The following DCDC2 variants were observed in gnomAD, a reference collection of about 807,000 sequenced individuals.
The protein encoded by DCDC2 is doublecortin domain containing 2.
In DCDC2, 40 loss-of-function variants were observed where a neutral mutation model predicts 50.2. The ratio of observed to expected loss-of-function variants is 0.80; its 90% CI spans 0.62 to 1.04. The LOEUF (loss-of-function observed/expected upper bound fraction) is 1.04. Ranked by LOEUF, DCDC2 falls within the 50% of genes least tolerant of loss-of-function variation. DCDC2 has a pLI of 0.00. For synonymous variants in DCDC2, 234 were observed against 210.6 expected (o/e 1.11, Z -0.96); for missense variants, 570 against 581.9 (o/e 0.98, Z 0.21).
At position 24,300,760 on chromosome 6, in the gene DCDC2, T is replaced by C. The variant is rs114910519; in HGVS notation, c.557+955A>G. Among the ~76,000 whole-genome samples, 276 of 152,308 alleles carry C rather than the reference T, an allele frequency of 1.8e-3. 1 individual carries two copies. The highest frequency in any genetic ancestry group is 2.8e-3 in the Non-Finnish European group (189 of 68,026). ...AAAGCAGTATATACATATACATACTTTTAATATGTTGTGCACATGTATATG... is the reference window on the plus strand; with the variant it reads ...AAAGCAGTATATACATATACATACTCTTAATATGTTGTGCACATGTATATG... On this transcript the variant is annotated intron_variant, in intron 4 of 9. Transcript: ENST00000378454.
At chr6:24,251,513 C>T (rs770690737) in intron 7 of DCDC2, among the ~76,000 whole-genome samples, 1 of 152,136 alleles carries the variant, frequency 6.6e-6, no homozygotes, top group Non-Finnish European at 1.5e-5. Flanking sequence ...TCTGCGGGAG[C>T]CCTTCCATAC....
At chr6:24,268,516 C>G (rs1392860372) in intron 7 of DCDC2, among the ~76,000 whole-genome samples, 1 of 152,012 alleles carries the variant, frequency 6.6e-6, no homozygotes, top group Non-Finnish European at 1.5e-5. Context: ...ACAAAAAGTG[C>G]GTGAAACTAC....
chr6:24,209,025 A>G (rs770957522), intron 7 of DCDC2, among the ~76,000 whole-genome samples: 2 of 152,226 alleles, frequency 1.3e-5, no homozygotes, highest in Non-Finnish European at 2.9e-5. Flanking sequence ...AATTAAAATC[A>G]TTTGATGCCA....
At chr6:24,352,623 A>AT (rs1469935169) in intron 2 of DCDC2, among the ~76,000 whole-genome samples, 1 of 152,104 alleles carries the variant, frequency 6.6e-6, no homozygotes, top group Non-Finnish European at 1.5e-5. Flanking sequence ...TACAATTAGA[A>AT]TTTTTTTCTT....
rs1329148753 is a variant in DCDC2, at chr6:24,172,264, G to T, written c.*2466C>A. On this transcript the variant is annotated 3_prime_UTR_variant, in exon 10 of 10. Transcript: ENST00000378454. ...TTTGCAAAGTGTCTTAAAGTGATAA[G>T]TCGTTATTCATCCCCTCAAAGTAGG... The T allele has an allele frequency of 6.6e-6, 1 of 152,178 alleles. No homozygotes were observed. Among genetic ancestry groups the T allele is most frequent in the Admixed American group, 6.5e-5 (1 of 15,276 alleles). 9.4% of individuals were successfully genotyped at this position (152,178 alleles called of 1,614,324 possible).
intron 8 of DCDC2, among the ~76,000 whole-genome samples, chr6:24,190,132 G>T (rs73726615): frequency 0.034 from 5,226 of 151,994 alleles, 244 homozygotes; most frequent in African/African-American, 0.11. Context: ...AAAAAGGGTG[G>T]TTATATTCAG....
At chr6:24,194,402 CATTAT>C (rs1351571432) in intron 8 of DCDC2, among the ~76,000 whole-genome samples, 1 of 152,170 alleles carries the variant, frequency 6.6e-6, no homozygotes, top group African/African-American at 2.4e-5. Flanking sequence ...TTTCAATTCT[CATTAT>C]TTTATTAGTC....
chr6:24,342,707 G>T (rs1760182206), intron 2 of DCDC2, among the ~76,000 whole-genome samples: 2 of 151,460 alleles, frequency 1.3e-5, no homozygotes, highest in Admixed American at 1.3e-4. Flanking sequence ...AAAAAAAAAG[G>T]GTTTTCTTTC....
chr6:24,358,349 G>T (rs116141266), upstream of DCDC2: 1,402 of 169,170 alleles, frequency 8.3e-3, 27 homozygotes, highest in African/African-American at 0.031. Context: ...GGTGGCTTAC[G>T]CCTGCAAATT....
At chr6:24,247,672 C>T (rs1762709086) in intron 7 of DCDC2, among the ~76,000 whole-genome samples, 1 of 152,198 alleles carries the variant, frequency 6.6e-6, no homozygotes, top group African/African-American at 2.4e-5. Context: ...TTATCACGCA[C>T]ATGAAGAAAC....
rs926772466 is a variant in DCDC2 at position 24,286,436 on chromosome 6, C to T, written c.759+2416G>A. On this transcript the variant is annotated intron_variant, in intron 6 of 9. Coordinates refer to ENST00000378454, the MANE Select transcript of DCDC2 (RefSeq NM_016356.5). ...GGTGAAACTCTGTCTCCACAAAAAA[C>T]ACAAAAATTAGCCAGGCATGGTGGC... Among the ~76,000 whole-genome samples, 7 of 152,078 alleles carry T rather than the reference C, an allele frequency of 4.6e-5. 1 individual carries two copies. The South Asian group carries it at 1.5e-3, about 32-fold the overall frequency.
intron 7 of DCDC2, among the ~76,000 whole-genome samples, chr6:24,234,756 G>C (rs1217539690): frequency 6.6e-6 from 1 of 152,142 alleles, no homozygotes; most frequent in African/African-American, 2.4e-5. Context: ...TTTAGTTTTA[G>C]GGATGTTGGG....
In DCDC2 at chr6:24,174,464, T is replaced by C. The variant is rs961057014; in HGVS notation, c.*266A>G. On this transcript the variant is annotated 3_prime_UTR_variant, in exon 10 of 10. Transcript: ENST00000378454. ...ATTTTTCATCCTTTACAAGTGGCAA[T>C]TGTCTTCCAGTGCAAATTCTCCTCT... 5 of 249,572 alleles carry C rather than the reference T, an allele frequency of 2.0e-5. No homozygotes were observed. The highest frequency in any genetic ancestry group is 5.2e-5 in the Admixed American group (1 of 19,360). 15.5% of individuals were successfully genotyped at this position (249,572 alleles called of 1,614,324 possible).
At chr6:24,222,655 G>C (rs1762144120) in intron 7 of DCDC2, among the ~76,000 whole-genome samples, 1 of 152,120 alleles carries the variant, frequency 6.6e-6, no homozygotes, top group Non-Finnish European at 1.5e-5. Flanking sequence ...TCAGGGTAAA[G>C]AAAGTGAAAA....
intron 7 of DCDC2, among the ~76,000 whole-genome samples, chr6:24,275,913 A>C (rs1409102250): frequency 7.6e-6 from 1 of 131,150 alleles, no homozygotes; most frequent in Non-Finnish European, 1.5e-5. Context: ...TCTGTCACCC[A>C]GGCTGGAGTG....
At chr6:24,306,031 A>G (rs1171792107) in intron 2 of DCDC2, among the ~76,000 whole-genome samples, 1 of 152,086 alleles carries the variant, frequency 6.6e-6, no homozygotes, top group Non-Finnish European at 1.5e-5. Context: ...TCTGTCTCAA[A>G]AAAAAAAGAA....
At chr6:24,338,082 T>C (rs1239958850) in intron 2 of DCDC2, among the ~76,000 whole-genome samples, 1 of 152,212 alleles carries the variant, frequency 6.6e-6, no homozygotes, top group East Asian at 1.9e-4. Flanking sequence ...TGTGAGCTCT[T>C]GAGAAACATG....
intron 7 of DCDC2, among the ~76,000 whole-genome samples, chr6:24,276,589 G>T (rs1763363087): frequency 6.6e-6 from 1 of 152,030 alleles, no homozygotes; most frequent in South Asian, 2.1e-4. Flanking sequence ...CATAGCCCAA[G>T]GCTTTGGGGG....
At chr6:24,311,278 T>C (rs1365428707) in intron 2 of DCDC2, among the ~76,000 whole-genome samples, 1 of 152,240 alleles carries the variant, frequency 6.6e-6, no homozygotes, top group Non-Finnish European at 1.5e-5. Context: ...TCTGAACTTT[T>C]CATGCAATAC....
Sources: allele counts gnomAD v4.1 joint callset (sites outside exome capture counted in the v4.1 genomes callset), GRCh38; gene constraint gnomAD v4.1.1; transcripts MANE v1.5; gene names NCBI Gene and HGNC (gene_info 2026-07-23, HGNC 2026-07-21).